Variants in PLEC observed in about 807,000 individuals in gnomAD.
The protein encoded by PLEC is hemidesmosomal protein 1.
In PLEC, 216 loss-of-function variants were observed where a neutral mutation model predicts 392.8. The observed-to-expected ratio is 0.55, with a 90% CI of 0.49 to 0.62. PLEC has a LOEUF of 0.62. Ranked by LOEUF, PLEC falls within the 20% of genes least tolerant of loss-of-function variation. The probability of loss-of-function intolerance (pLI) is 0.00; values close to 1 mark genes in which losing one functional copy is unlikely to be tolerated. For missense variants in PLEC, 6,863 were observed against 6,563.4 expected, an observed-to-expected ratio of 1.05 and a Z score of -1.58; for synonymous variants, 3,621 against 2,980.6, an observed-to-expected ratio of 1.21 and a Z score of -7.00.
chr8:143,930,540 T>TG lies in PLEC; in HGVS notation c.2305-5dup. The TG allele has an allele frequency of 1.3e-6, 2 of 1,584,624 alleles. No homozygotes were observed. The highest frequency in any genetic ancestry group is 1.7e-6 in the Non-Finnish European group (2 of 1,165,872). On this transcript the variant is annotated splice_region_variant and splice_polypyrimidine_tract_variant and intron_variant, in intron 19 of 31. Transcript: ENST00000345136. ...CGTTCAGCTGTTCCTTCTCGTCCTG[T>TG]GGGGGAGGGGCAGCATCCAGACGAG...
chr8:143,944,793 G>GC, intron 1 of PLEC: 3 of 993,784 alleles, frequency 3.0e-6, no homozygotes, highest in Non-Finnish European at 4.0e-6. Flanking sequence ...CCGTGCTGCT[G>GC]TCAGCAGCAG....
chr8:143,937,983 C>T (rs1244489418), intron 3 of PLEC, among the ~76,000 whole-genome samples, 168 bp downstream of exon 3: 1 of 152,104 alleles, frequency 6.6e-6, no homozygotes, highest in African/African-American at 2.4e-5. Flanking sequence ...GCAGCCTGGG[C>T]GGGAGGTGCT....
intron 1 of PLEC, among the ~76,000 whole-genome samples, chr8:143,962,706 C>T (rs1362126854): frequency 2.6e-5 from 4 of 152,194 alleles, no homozygotes; most frequent in Non-Finnish European, 5.9e-5. Flanking sequence ...AGCGAAACTT[C>T]GCCGAACTGT....
In PLEC at chr8:143,923,797, C is replaced by T; in HGVS notation, c.6132G>A (p.Gln2044=). ...RQLQLAQEAA[Q]KRLQAEEKAH... ...CCTTCTCTTCCGCCTGCAGCCGCTT[C>T]TGGGCGGCCTCCTGGGCCAGCTGCA... is the stretch of plus-strand genomic sequence containing the variant. The change falls in exon 31 of 32, where the codon CAG becomes CAA. Residue 2044 remains glutamine (Q), a synonymous_variant. Coordinates refer to ENST00000345136, the MANE Select transcript of PLEC (RefSeq NM_201384.3). 1 of 1,578,690 alleles carries T rather than the reference C, an allele frequency of 6.3e-7. No individual in the cohort carries two copies. Among genetic ancestry groups the T allele is most frequent in the Non-Finnish European group, 8.5e-7 (1 of 1,170,412 alleles).
At position 143,969,758 on chromosome 8, in the gene PLEC, T is replaced by C. The variant is rs1398631334; in HGVS notation, c.70+3645A>G. 6.6e-6 allele frequency among the ~76,000 whole-genome samples: 1 copy of C among 151,444 alleles called. No homozygotes were observed. Among genetic ancestry groups the C allele is most frequent in the Non-Finnish European group, 1.5e-5 (1 of 67,846 alleles). Reference sequence around the variant, plus strand: ...AGCCGGGGGCCTGGGCAGCTGGGGATAGAGACTTTAGGTTGTCATGTTAGG... The same window carrying C: ...AGCCGGGGGCCTGGGCAGCTGGGGACAGAGACTTTAGGTTGTCATGTTAGG... On this transcript the variant is annotated intron_variant, in intron 1 of 31. Transcript: ENST00000356346. This position sits in a 1 kb window ranked among gnomAD's most constrained non-coding sequence, Gnocchi z 5.1.
upstream of PLEC, among the ~76,000 whole-genome samples, chr8:143,957,727 G>A (rs1349129603): frequency 6.6e-6 from 1 of 152,172 alleles, no homozygotes. Flanking sequence ...CTGCGAATGG[G>A]ATGGGCCCTC....
intron 1 of PLEC, among the ~76,000 whole-genome samples, chr8:143,948,965 T>C (rs1554733730): frequency 6.6e-6 from 1 of 152,192 alleles, no homozygotes; most frequent in African/African-American, 2.4e-5. Flanking sequence ...TCGGGAGACA[T>C]GTCGTCCATT....
chr8:143,925,959 G>C, intron 30 of PLEC, 75 bp from the exon 31 acceptor site: 3 of 1,440,716 alleles, frequency 2.1e-6, no homozygotes, highest in Non-Finnish European at 2.8e-6. Context: ...GGCACGCACC[G>C]GCACAGTTCA....
intron 5 of PLEC, 27 bp from the exon 6 acceptor site, chr8:143,936,041 G>C: frequency 1.2e-6 from 2 of 1,608,516 alleles, no homozygotes; most frequent in African/African-American, 1.3e-5. Flanking sequence ...GGAGGCCACA[G>C]CTCAGCCACA....
In PLEC at chr8:143,925,901, GAGA is replaced by G. The variant is rs1314699233; in HGVS notation, c.4045-20_4045-18del. 7.5e-5 allele frequency: 116 copies of G among 1,536,584 alleles called. 1 individual carries two copies. In the Admixed American group the frequency reaches 8.0e-4, roughly 11 times the overall value. ...AGCCAGCCTCTGTGGCCACAGCAGA[GAGA>G]AGAAGAGAAGCAGAGAGAGTGTGAA... On this transcript the variant is annotated intron_variant, in intron 30 of 31. Coordinates refer to ENST00000345136, the MANE Select transcript of PLEC (RefSeq NM_201384.3).
Position 143,917,965 on chromosome 8 carries a change from G to A in PLEC, c.11856C>T (p.Ala3952=). The A allele has an allele frequency of 1.2e-6, 2 of 1,612,884 alleles. No homozygotes were observed. The highest frequency in any genetic ancestry group is 2.2e-5 in the East Asian group (1 of 44,872). ...ATKERLSVYQ[A]MKKGIIRPGT... ...CGGGGCGGATGATGCCCTTCTTCATGGCCTGGTACACCGAGAGCCGTTCCT... is the reference window on the plus strand; with the variant it reads ...CGGGGCGGATGATGCCCTTCTTCATAGCCTGGTACACCGAGAGCCGTTCCT... Residue 3952 remains alanine (A), a synonymous_variant, in exon 32 of 32, where the codon GCC becomes GCT. Coordinates refer to ENST00000345136, the MANE Select transcript of PLEC (RefSeq NM_201384.3).
Position 143,939,402 on chromosome 8 carries a change from G to C in PLEC, c.60C>G (p.Ser20Arg), listed in dbSNP as rs782020378. ...QPEGLGRKRT[S>R]SEDNLYLAVL... is the part of the protein sequence containing the mutation. ...CAGCCAGGTACAGGTTGTCCTCCGA[G>C]CTGGTTCTCTTTCGGCCCAGGCCCT... is the stretch of plus-strand genomic sequence containing the variant. Residue 20 changes from serine to arginine, a missense_variant, in exon 1 of 32, where the codon AGC becomes AGG. Ser to Arg is a moderately radical substitution (Grantham distance 110). Coordinates refer to ENST00000345136, the MANE Select transcript of PLEC (RefSeq NM_201384.3). The C allele has an allele frequency of 6.2e-7, 1 of 1,612,802 alleles. No homozygotes were observed. Among genetic ancestry groups the C allele is most frequent in the South Asian group, 1.1e-5 (1 of 91,020 alleles).
At chr8:143,942,445 C>G, upstream of PLEC, 1 of 1,603,398 alleles carries the variant, frequency 6.2e-7, no homozygotes, top group Non-Finnish European at 8.5e-7. Flanking sequence ...CTCGCAGCCC[C>G]CGTCCAGCCA....
upstream of PLEC, among the ~76,000 whole-genome samples, chr8:143,944,190 T>A (rs1554730871): frequency 6.6e-6 from 1 of 150,740 alleles, no homozygotes; most frequent in Non-Finnish European, 1.5e-5. Flanking sequence ...CCTTAACCCC[T>A]GCGTCCCCGC....
chr8:143,919,895 C>T lies in PLEC; in HGVS notation c.9926G>A (p.Arg3309His), dbSNP rs201369301. ...GAGCTCGCTGGCTGGCACAGGGGCA[C>T]GGAGGCCGCTGAAGGACAGCCTCTC... ...RQERLSFSGL[R>H]APVPASELLA... Residue 3309 changes from arginine to histidine, a missense_variant, in exon 32 of 32, where the codon CGT (arginine) becomes CAT (histidine). Physicochemically the swap from Arg to His is conservative, Grantham distance 29 (BLOSUM62 0). Transcript: ENST00000345136. 303 of 1,613,102 alleles carry T rather than the reference C, an allele frequency of 1.9e-4. 3 individuals are homozygous for T. In the African/African-American group the frequency reaches 3.1e-3, roughly 17 times the overall value.
In PLEC at chr8:143,934,640, G is replaced by A. The variant is rs781924466; in HGVS notation, c.1036C>T (p.Leu346=). The A allele has an allele frequency of 3.7e-6, 6 of 1,612,962 alleles. No homozygotes were observed. Among genetic ancestry groups the A allele is most frequent in the East Asian group, 2.2e-5 (1 of 44,892 alleles). ...KNRSKGIYQS[L]EGAVQAGQLK... is the part of the protein sequence containing the mutation. ...CCTCCAGCGGTCCCACTCACCTCCAGGGATTGGTAGATGCCCTTGGACCTG... is the reference window on the plus strand; with the variant it reads ...CCTCCAGCGGTCCCACTCACCTCCAAGGATTGGTAGATGCCCTTGGACCTG... The change falls in exon 10 of 32, where the codon CTG becomes TTG. Residue 346 remains leucine (L), a synonymous_variant. Transcript: ENST00000345136.
chr8:143,951,628 A>C (rs1228982324), upstream of PLEC, among the ~76,000 whole-genome samples: 1 of 151,664 alleles, frequency 6.6e-6, no homozygotes, highest in Non-Finnish European at 1.5e-5. Context: ...ATTCACCCCC[A>C]CCTCCAACCC....
At chr8:143,940,357 C>A (rs1193040393), upstream of PLEC, among the ~76,000 whole-genome samples, 2 of 152,188 alleles carry the variant, frequency 1.3e-5, no homozygotes, top group Admixed American at 6.5e-5. Flanking sequence ...CAGGAGGGGC[C>A]TCGCCAGTGA....
At position 143,919,880 on chromosome 8, in the gene PLEC, G is replaced by A. The variant is rs370238652; in HGVS notation, c.9941C>T (p.Ala3314Val). ...GACCCCGGAAGCCAGGAGCTCGCTGGCTGGCACAGGGGCACGGAGGCCGCT... is the reference window on the plus strand; with the variant it reads ...GACCCCGGAAGCCAGGAGCTCGCTGACTGGCACAGGGGCACGGAGGCCGCT... ...SFSGLRAPVP[A>V]SELLASGVLS... Residue 3314 changes from alanine (A) to valine (V), a missense_variant, in exon 32 of 32, where the codon GCC (alanine) becomes GTC (valine). By Grantham distance (64) the Ala-to-Val change is moderately conservative. Transcript: ENST00000345136. The A allele has an allele frequency of 9.3e-6, 15 of 1,613,156 alleles. No homozygotes were observed. In the African/African-American group the frequency reaches 1.3e-4, roughly 14 times the overall value.
Sources: allele counts gnomAD v4.1 joint callset (sites outside exome capture counted in the v4.1 genomes callset), GRCh38; gene constraint gnomAD v4.1.1; non-coding constraint Gnocchi (gnomAD v3.1); transcripts MANE v1.5; gene names NCBI Gene and HGNC (gene_info 2026-07-23, HGNC 2026-07-21).